FGGY: variants seen among roughly 807,000 people sequenced by gnomAD.
The protein encoded by FGGY is FGGY carbohydrate kinase domain containing, also known as FGGY carbohydrate kinase domain-containing protein.
A neutral mutation model predicts 71.3 loss-of-function variants in FGGY; 72 were observed. That is an observed-to-expected ratio of 1.01 (90% confidence interval 0.84 to 1.23). FGGY has a LOEUF of 1.23. Ranked by LOEUF, FGGY falls within the 50% of genes most tolerant of loss-of-function variation. The pLI, the probability that FGGY is intolerant of heterozygous loss-of-function variation, is 0.00. For synonymous variants in FGGY, 251 were observed against 250.3 expected, an observed-to-expected ratio of 1.00 and a Z score of -0.02; for missense variants, 668 against 682.3, an observed-to-expected ratio of 0.98 and a Z score of 0.23.
chr1:59,343,120 C>T (rs1199013134), intron 3 of FGGY, among the ~76,000 whole-genome samples: 1 of 152,122 alleles, frequency 6.6e-6, no homozygotes, highest in Non-Finnish European at 1.5e-5. Flanking sequence ...GACCTAGTCT[C>T]CTCTGTGCAA....
At chr1:59,536,162 A>G (rs1405377077) in intron 7 of FGGY, among the ~76,000 whole-genome samples, 1 of 151,942 alleles carries the variant, frequency 6.6e-6, no homozygotes. Context: ...CACCGATCCC[A>G]CAGAAATACA....
At chr1:59,389,471 G>T (rs1016904478) in intron 5 of FGGY, among the ~76,000 whole-genome samples, 2 of 152,048 alleles carry the variant, frequency 1.3e-5, no homozygotes, top group African/African-American at 4.8e-5. Context: ...CATTCATCTT[G>T]TCCAAATGGA....
intron 2 of FGGY, among the ~76,000 whole-genome samples, chr1:59,331,593 A>G (rs1052482613): frequency 6.6e-6 from 1 of 152,074 alleles, no homozygotes; most frequent in Non-Finnish European, 1.5e-5. Context: ...TGCATTCCTA[A>G]TCCCCCTGAG....
At chr1:59,553,310 T>C (rs1487220479) in intron 7 of FGGY, among the ~76,000 whole-genome samples, 2 of 152,152 alleles carry the variant, frequency 1.3e-5, no homozygotes, top group African/African-American at 2.4e-5. Flanking sequence ...ACCTAGTATA[T>C]ATCGTTTTGT....
At chr1:59,425,003 G>T (rs1000623708) in intron 5 of FGGY, among the ~76,000 whole-genome samples, 2 of 151,974 alleles carry the variant, frequency 1.3e-5, no homozygotes, top group African/African-American at 4.8e-5. Context: ...AATCAAATTT[G>T]GACTCTTTCC....
At chr1:59,751,489 AG>A (rs372781324) in intron 14 of FGGY, among the ~76,000 whole-genome samples, 47 of 152,356 alleles carry the variant, frequency 3.1e-4, no homozygotes, top group African/African-American at 1.1e-3. Flanking sequence ...CTATAAAACA[AG>A]TGAAATATAG....
chr1:59,363,367 A>C (rs1220075775), intron 4 of FGGY, among the ~76,000 whole-genome samples: 4 of 152,222 alleles, frequency 2.6e-5, no homozygotes, highest in African/African-American at 4.8e-5. Flanking sequence ...TAATAAGAAC[A>C]ATCGTAGGTA....
Position 59,541,728 on chromosome 1 carries a change from G to A in FGGY, c.800-12396G>A, listed in dbSNP as rs61299929. ...TATGCAGAATATATCCGAAAGAAAT[G>A]TGTACTTCAATGTACCAAAAATATG... On this transcript the variant is annotated intron_variant, in intron 7 of 15. Coordinates refer to ENST00000303721, the MANE Select transcript of FGGY (RefSeq NM_018291.5). 1.9e-3 allele frequency among the ~76,000 whole-genome samples: 287 copies of A among 152,224 alleles called. 9 individuals carry two copies. In the East Asian group the frequency reaches 0.05, roughly 26 times the overall value.
chr1:59,522,776 A>G (rs1202432837), intron 7 of FGGY, among the ~76,000 whole-genome samples: 1 of 152,176 alleles, frequency 6.6e-6, no homozygotes, highest in East Asian at 1.9e-4. Context: ...AGGTTACAGG[A>G]CCAGGAAGAC....
At chr1:59,711,262 A>T (rs1480371342) in intron 14 of FGGY, among the ~76,000 whole-genome samples, 1 of 152,088 alleles carries the variant, frequency 6.6e-6, no homozygotes, top group Non-Finnish European at 1.5e-5. Flanking sequence ...GGGCACAGGG[A>T]GGGGAACATC....
At chr1:59,544,946 C>G (rs1010388838) in intron 7 of FGGY, among the ~76,000 whole-genome samples, 1 of 152,196 alleles carries the variant, frequency 6.6e-6, no homozygotes, top group Non-Finnish European at 1.5e-5. Flanking sequence ...AAAGCCTTTA[C>G]CTCCCCATCT....
rs184291266 is a variant in FGGY at position 59,478,497 on chromosome 1, T to C, written c.670+21421T>C. On this transcript the variant is annotated intron_variant, in intron 6 of 15. Transcript: ENST00000303721. Reference sequence around the variant, plus strand: ...GTCTGAAACATTTTATAACATAGCATGTAGAAATATGTCTGGAACATAGTA... The same window carrying C: ...GTCTGAAACATTTTATAACATAGCACGTAGAAATATGTCTGGAACATAGTA... Among the ~76,000 whole-genome samples, 308 of 152,348 alleles carry C rather than the reference T, an allele frequency of 2.0e-3. 1 individual carries two copies. Among genetic ancestry groups the C allele is most frequent in the African/African-American group, 7.2e-3 (299 of 41,570 alleles).
chr1:59,598,617 G>A lies in FGGY; in HGVS notation c.904-9186G>A, dbSNP rs535678286. On this transcript the variant is annotated intron_variant, in intron 8 of 15. Transcript: ENST00000303721. Reference sequence around the variant, plus strand: ...GGAGATACCTGTGGATAGGTTTTGTGTGTATCTTGTTTTGCTGAGACTGAA... The same window carrying A: ...GGAGATACCTGTGGATAGGTTTTGTATGTATCTTGTTTTGCTGAGACTGAA... 8.3e-4 allele frequency among the ~76,000 whole-genome samples: 127 copies of A among 152,226 alleles called. 1 individual carries two copies. The Middle Eastern group carries it at 0.01, about 12-fold the overall frequency.
At chr1:59,697,489 G>A (rs1361058165) in intron 14 of FGGY, among the ~76,000 whole-genome samples, 1 of 152,104 alleles carries the variant, frequency 6.6e-6, no homozygotes, top group Non-Finnish European at 1.5e-5. Flanking sequence ...TTAGCATAAT[G>A]TTCTCAAGGT....
At chr1:59,762,436 A>G (rs1475843320) in intron 15 of FGGY, 67 bp from the exon 16 acceptor site, 15 of 1,193,368 alleles carry the variant, frequency 1.3e-5, no homozygotes, top group Non-Finnish European at 1.8e-5. Context: ...ATTCTTCTAA[A>G]TGTACAGGGA....
chr1:59,433,080 A>G (rs777939232), intron 5 of FGGY, among the ~76,000 whole-genome samples: 6 of 152,214 alleles, frequency 3.9e-5, no homozygotes, highest in Non-Finnish European at 8.8e-5. Context: ...GGGCGTATCC[A>G]TCAGTTTTAG....
chr1:59,754,146 T>C (rs1043414027), intron 14 of FGGY, among the ~76,000 whole-genome samples: 2 of 152,182 alleles, frequency 1.3e-5, no homozygotes, highest in East Asian at 3.8e-4. Context: ...GGAAGAAAAG[T>C]TAGTGGTGTA....
chr1:59,645,498 T>G (rs1358093823), intron 11 of FGGY, among the ~76,000 whole-genome samples: 1 of 152,180 alleles, frequency 6.6e-6, no homozygotes, highest in Non-Finnish European at 1.5e-5. Flanking sequence ...AAAGCAAGTT[T>G]CATACAGCTC....
intron 11 of FGGY, among the ~76,000 whole-genome samples, chr1:59,642,813 C>T (rs1169439562): frequency 4.0e-5 from 6 of 151,520 alleles, no homozygotes; most frequent in African/African-American, 1.2e-4. Flanking sequence ...GGATGGATCA[C>T]GAGGTCAGGA....
Sources: allele counts gnomAD v4.1 joint callset (sites outside exome capture counted in the v4.1 genomes callset), GRCh38; gene constraint gnomAD v4.1.1; transcripts MANE v1.5; gene names NCBI Gene and HGNC (gene_info 2026-07-23, HGNC 2026-07-21).